PXDN: variants seen among roughly 807,000 people sequenced by gnomAD.
The protein encoded by PXDN is peroxidasin homolog.
In PXDN, 77 loss-of-function variants were observed where a neutral mutation model predicts 140.3. The observed-to-expected ratio is 0.55, with a 90% CI of 0.46 to 0.66. The LOEUF is 0.66. PXDN is among the 30% of genes least tolerant of loss of function. The pLI, the probability that PXDN is intolerant of heterozygous loss-of-function variation, is 0.00. For missense variants in PXDN, 1,838 were observed against 2,039.5 expected (o/e 0.90, Z 1.90); for synonymous variants, 911 against 857.4 (o/e 1.06, Z -1.09).
chr2:1,674,794 C>T (rs915464745), intron 8 of PXDN, among the ~76,000 whole-genome samples: 3 of 152,148 alleles, frequency 2.0e-5, no homozygotes, highest in African/African-American at 4.8e-5. Flanking sequence ...ACTTGCAGAT[C>T]ACCAAGACAG....
intron 1 of PXDN, among the ~76,000 whole-genome samples, chr2:1,724,238 C>G (rs568203573): frequency 1.3e-5 from 2 of 151,800 alleles, no homozygotes; most frequent in African/African-American, 2.4e-5. Context: ...GAGTTTCAAT[C>G]CGTGCTAAGT....
intron 3 of PXDN, among the ~76,000 whole-genome samples, chr2:1,690,661 A>T (rs971158903): frequency 6.6e-6 from 1 of 151,160 alleles, no homozygotes; most frequent in African/African-American, 2.4e-5. Context: ...AAAAAAAAAA[A>T]AAAAAAAAAA....
At chr2:1,658,401 T>C (rs990140423) in intron 14 of PXDN, among the ~76,000 whole-genome samples, 1 of 151,956 alleles carries the variant, frequency 6.6e-6, no homozygotes, top group Non-Finnish European at 1.5e-5. Flanking sequence ...TCTCAATGGG[T>C]GACACTGACA....
Position 1,648,091 on chromosome 2 carries a change from G to A in PXDN, c.3608+81C>T. 3.3e-6 allele frequency: 5 copies of A among 1,510,982 alleles called. No homozygotes were observed. The highest frequency in any genetic ancestry group is 2.3e-5 in the East Asian group (1 of 44,054). The allele number at this position is 1,510,982 out of a possible 1,614,324, so 93.6% of individuals were successfully genotyped here. On this transcript the variant is annotated intron_variant, in intron 17 of 22. Transcript: ENST00000252804. The surrounding 1 kb of genome is among the most constrained non-coding windows in gnomAD (Gnocchi z 8.9). Reference sequence around the variant, plus strand: ...GACACGAACAAAACTCACACACAGAGACAAATAACACACACACCACAGTTC... The same window carrying A: ...GACACGAACAAAACTCACACACAGAAACAAATAACACACACACCACAGTTC...
At chr2:1,673,437 T>C (rs1683623010) in intron 9 of PXDN, among the ~76,000 whole-genome samples, 1 of 152,064 alleles carries the variant, frequency 6.6e-6, no homozygotes, top group African/African-American at 2.4e-5. Flanking sequence ...TGTCCCCAGA[T>C]GAGGGGCTAA....
chr2:1,648,933 G>T lies in PXDN; in HGVS notation c.2847C>A (p.Leu949=). 6.2e-7 allele frequency: 1 copy of T among 1,603,502 alleles called. No homozygotes were observed. The highest frequency in any genetic ancestry group is 8.5e-7 in the Non-Finnish European group (1 of 1,175,340). ...GIVQRSGKPL[L]PFATGPPTEC... ...CCGTGGGCGGCCCGGTGGCGAAGGG[G>T]AGCAGCGGCTTCCCGGACCGCTGCA... Residue 949 remains leucine, a synonymous_variant, in exon 17 of 23, where the codon CTC becomes CTA. Coordinates refer to ENST00000252804, the MANE Select transcript of PXDN (RefSeq NM_012293.3). This position sits in a 1 kb window ranked among gnomAD's most constrained non-coding sequence, Gnocchi z 8.9.
chr2:1,731,211 G>A (rs1199210904), intron 1 of PXDN, among the ~76,000 whole-genome samples: 3 of 152,120 alleles, frequency 2.0e-5, no homozygotes, highest in Middle Eastern at 3.4e-3. Flanking sequence ...TTAAGAGAGC[G>A]AGCAATAATT....
intron 13 of PXDN, among the ~76,000 whole-genome samples, chr2:1,661,794 A>G (rs994690730): frequency 6.6e-6 from 1 of 152,232 alleles, no homozygotes; most frequent in Non-Finnish European, 1.5e-5. Context: ...AGATCAAAAA[A>G]ATGGAATGCT....
chr2:1,635,324 C>G lies in PXDN; in HGVS notation c.4320+84G>C. On this transcript the variant is annotated intron_variant, in intron 22 of 22. Transcript: ENST00000252804. ...GCGGGGAGGGGCCTGGCCCTGACAT[C>G]TGGGCCACCCACCTGAGTGGTCACA... 1.6e-6 allele frequency: 2 copies of G among 1,220,460 alleles called. 1 individual carries two copies. Among genetic ancestry groups the G allele is most frequent in the South Asian group, 2.6e-5 (2 of 77,084 alleles). 75.6% of individuals were successfully genotyped at this position (1,220,460 alleles called of 1,614,324 possible).
intron 8 of PXDN, among the ~76,000 whole-genome samples, chr2:1,674,835 C>G (rs1263635075): frequency 6.6e-6 from 1 of 152,136 alleles, no homozygotes; most frequent in Non-Finnish European, 1.5e-5. Flanking sequence ...AAACCCACTT[C>G]CTCAGTGCAC....
chr2:1,644,304 A>G (rs907557533), intron 18 of PXDN, among the ~76,000 whole-genome samples: 7 of 152,148 alleles, frequency 4.6e-5, no homozygotes, highest in African/African-American at 1.4e-4. Flanking sequence ...ACTCCTCTAA[A>G]GTCCCACAGT....
intron 5 of PXDN, 29 bp downstream of exon 5, chr2:1,684,051 G>A (rs1311706353): frequency 1.9e-6 from 3 of 1,551,664 alleles, no homozygotes; most frequent in Non-Finnish European, 1.8e-6. Context: ...CTCTGTGAAT[G>A]GAAAGGCAAG....
intron 1 of PXDN, among the ~76,000 whole-genome samples, chr2:1,728,565 A>C (rs912957004): frequency 6.6e-6 from 1 of 151,600 alleles, no homozygotes; most frequent in Non-Finnish European, 1.5e-5. Context: ...TCTTGTTTCC[A>C]CTCTCCTGCC....
At position 1,661,034 on chromosome 2, in the gene PXDN, C is replaced by G; in HGVS notation, c.1684G>C (p.Gly562Arg). 6.2e-7 allele frequency: 1 copy of G among 1,613,922 alleles called. No homozygotes were observed. The highest frequency in any genetic ancestry group is 8.5e-7 in the Non-Finnish European group (1 of 1,179,856). The change falls in exon 14 of 23, where the codon GGG becomes CGG. Residue 562 changes from glycine (G) to arginine (R), a missense_variant. Gly to Arg is a moderately radical substitution (Grantham distance 125). Transcript: ENST00000252804. ...TTTCCACTTTCTGTCACCTGAACCC[C>G]ATCCTGGAGCAAAACAGAATGAAAA... ...PEPAITWNKD[G>R]VQVTESGKFH...
At chr2:1,691,536 T>G (rs1374576884) in intron 3 of PXDN, among the ~76,000 whole-genome samples, 1 of 152,214 alleles carries the variant, frequency 6.6e-6, no homozygotes, top group Non-Finnish European at 1.5e-5. Context: ...CACCTGCAGC[T>G]GGCAAGGCGA....
intron 17 of PXDN, among the ~76,000 whole-genome samples, chr2:1,647,731 G>C (rs1423352517): frequency 6.6e-6 from 1 of 152,254 alleles, no homozygotes; most frequent in Non-Finnish European, 1.5e-5. Context: ...CGGATCTGCA[G>C]ACACCAAGCT....
At chr2:1,642,003 CAAAACAAAACAAT>C (rs1223735871) in intron 19 of PXDN, among the ~76,000 whole-genome samples, 1 of 152,036 alleles carries the variant, frequency 6.6e-6, no homozygotes, top group African/African-American at 2.4e-5. Flanking sequence ...AAAACAAAAA[CAAAACAAAACAAT>C]AAAACAAAAA....
At chr2:1,682,627 G>C (rs150531917) in intron 6 of PXDN, among the ~76,000 whole-genome samples, 1 of 152,218 alleles carries the variant, frequency 6.6e-6, no homozygotes, top group Non-Finnish European at 1.5e-5. Flanking sequence ...TAAGCAAAAA[G>C]TATATTTGGA....
chr2:1,705,512 G>A (rs1474036021), intron 1 of PXDN, among the ~76,000 whole-genome samples: 1 of 150,236 alleles, frequency 6.7e-6, no homozygotes, highest in East Asian at 2.0e-4. Context: ...CCCACGACCT[G>A]GGATGCAGGG....
Sources: gnomAD v4.1 joint callset for allele counts (sites outside exome capture counted in the v4.1 genomes callset) on GRCh38, gnomAD v4.1.1 for gene constraint, Gnocchi (gnomAD v3.1) non-coding constraint, MANE v1.5 for transcripts, NCBI Gene and HGNC (gene_info 2026-07-23, HGNC 2026-07-21) for gene names.